The following GOPC variants were observed in gnomAD, a reference collection of about 807,000 sequenced individuals.
The protein encoded by GOPC is golgi associated PDZ and coiled-coil motif containing.
GOPC carries 32 observed loss-of-function variants against 51.2 expected under a neutral mutation model. That is an observed-to-expected ratio of 0.63 (90% CI 0.47 to 0.84). The LOEUF (loss-of-function observed/expected upper bound fraction) is 0.84. GOPC is among the 40% of genes least tolerant of loss of function. The pLI, the probability that GOPC is intolerant of heterozygous loss-of-function variation, is 0.00. For missense variants in GOPC, 441 were observed against 555.5 expected (o/e 0.79, Z 2.07); for synonymous variants, 190 against 205.1 (o/e 0.93, Z 0.63).
chr6:117,570,686 T>C (rs527614176), intron 6 of GOPC, among the ~76,000 whole-genome samples, 174 bp downstream of exon 6: 1 of 152,212 alleles, frequency 6.6e-6, no homozygotes, highest in African/African-American at 2.4e-5. Flanking sequence ...TTGCTAGGAA[T>C]ATTTATTTCT....
chr6:117,583,090 G>T (rs1779983788), intron 1 of GOPC, among the ~76,000 whole-genome samples: 1 of 152,122 alleles, frequency 6.6e-6, no homozygotes, highest in Non-Finnish European at 1.5e-5. Flanking sequence ...AAAGCAGCTG[G>T]CCAGTTCCTA....
intron 1 of GOPC, among the ~76,000 whole-genome samples, chr6:117,601,151 A>G (rs961093421): frequency 6.6e-6 from 1 of 152,206 alleles, no homozygotes; most frequent in African/African-American, 2.4e-5. Context: ...TAAATTGCCT[A>G]GTTAGAAAGT....
intron 1 of GOPC, among the ~76,000 whole-genome samples, chr6:117,597,648 C>T (rs1183256686): frequency 1.3e-5 from 2 of 152,158 alleles, no homozygotes; most frequent in Non-Finnish European, 1.5e-5. Context: ...ATTCCATTCT[C>T]CTCAGATATG....
intron 1 of GOPC, among the ~76,000 whole-genome samples, chr6:117,585,665 T>C (rs1780020135): frequency 6.6e-6 from 1 of 152,186 alleles, no homozygotes; most frequent in Admixed American, 6.5e-5. Flanking sequence ...ATGTAGTCCA[T>C]GAGCTCCAAA....
chr6:117,590,383 C>T (rs1780098596), intron 1 of GOPC, among the ~76,000 whole-genome samples: 1 of 151,920 alleles, frequency 6.6e-6, no homozygotes, highest in African/African-American at 2.4e-5. Flanking sequence ...CCAGCCTGGG[C>T]AACATAGTGA....
chr6:117,569,371 A>G (rs1466633377), intron 7 of GOPC, among the ~76,000 whole-genome samples: 1 of 152,212 alleles, frequency 6.6e-6, no homozygotes, highest in African/African-American at 2.4e-5. Context: ...AACTTGCTCA[A>G]AGTTATGAAG....
At chr6:117,575,601 C>T (rs1779869522) in intron 3 of GOPC, 2 of 659,222 alleles carry the variant, frequency 3.0e-6, no homozygotes, top group African/African-American at 3.6e-5. Context: ...CTACTCTAAG[C>T]TCATGTTATC....
intron 8 of GOPC, among the ~76,000 whole-genome samples, chr6:117,564,734 C>T (rs1406415610): frequency 6.6e-6 from 1 of 152,136 alleles, no homozygotes; most frequent in Non-Finnish European, 1.5e-5. Context: ...AAGAGACAGG[C>T]TTTCTAATCC....
chr6:117,588,252 G>A (rs1374369233), intron 1 of GOPC, among the ~76,000 whole-genome samples: 1 of 151,768 alleles, frequency 6.6e-6, no homozygotes, highest in East Asian at 1.9e-4. Context: ...TGTACAGAAA[G>A]CATGGCTGGG....
chr6:117,577,509 G>A lies in GOPC; in HGVS notation c.451-38C>T, dbSNP rs890129128. Reference sequence around the variant, plus strand: ...GAAAAAAGTTTTATAATTAGAAAAAGATCAAACAAATGATTTTATTTAGTG... The same window carrying A: ...GAAAAAAGTTTTATAATTAGAAAAAAATCAAACAAATGATTTTATTTAGTG... On this transcript the variant is annotated intron_variant, in intron 2 of 8. Coordinates refer to ENST00000368498, the MANE Select transcript of GOPC (RefSeq NM_020399.4). 2.6e-6 allele frequency: 4 copies of A among 1,518,136 alleles called. No individual in the cohort carries two copies. In the African/African-American group the frequency reaches 4.2e-5, roughly 16 times the overall value. 94.0% of individuals were successfully genotyped at this position (1,518,136 alleles called of 1,614,324 possible).
intron 8 of GOPC, among the ~76,000 whole-genome samples, chr6:117,564,902 G>C (rs143253616): frequency 1.3e-3 from 198 of 152,268 alleles, no homozygotes; most frequent in African/African-American, 4.6e-3. Flanking sequence ...CAACACACAA[G>C]TTTATCAAAA....
chr6:117,561,945 A>T lies in GOPC; in HGVS notation c.*1309T>A, dbSNP rs1779591922. 9.6e-6 allele frequency: 2 copies of T among 208,380 alleles called. No homozygotes were observed. Among genetic ancestry groups the T allele is most frequent in the South Asian group, 3.8e-4 (2 of 5,318 alleles). 12.9% of individuals were successfully genotyped at this position (208,380 alleles called of 1,614,324 possible). A position where few individuals can be genotyped will look rare whatever the true frequency, so the allele number is the denominator to read the frequency against. The stretch of plus-strand genomic sequence containing the variant: ...TTATCACATAACATCTGAATACCAG[A>T]AATGAAGATACTGATAATATTCTAA... On this transcript the variant is annotated 3_prime_UTR_variant, in exon 9 of 9. Transcript: ENST00000368498.
chr6:117,587,709 T>C (rs573397271), intron 1 of GOPC, among the ~76,000 whole-genome samples: 1 of 152,222 alleles, frequency 6.6e-6, no homozygotes, highest in African/African-American at 2.4e-5. Context: ...TAATAAAACA[T>C]TATTTGTCTT....
chr6:117,568,352 G>A (rs1241060586), intron 7 of GOPC, among the ~76,000 whole-genome samples: 2 of 152,158 alleles, frequency 1.3e-5, no homozygotes, highest in Non-Finnish European at 2.9e-5. Flanking sequence ...AAGAAAACAC[G>A]GCATTTTTGA....
chr6:117,594,599 C>T (rs1003210687), intron 1 of GOPC, among the ~76,000 whole-genome samples: 6 of 152,110 alleles, frequency 3.9e-5, no homozygotes, highest in East Asian at 1.9e-4. Flanking sequence ...TTCATAAGTG[C>T]GTACTGGATC....
chr6:117,570,745 T>C (rs1779792980), intron 6 of GOPC, 115 bp downstream of exon 6: 4 of 424,250 alleles, frequency 9.4e-6, no homozygotes, highest in Admixed American at 8.2e-5. Context: ...TGGGGATAAA[T>C]TTTAGTTATT....
chr6:117,575,588 A>G (rs1779869395), intron 3 of GOPC: 5 of 698,948 alleles, frequency 7.2e-6, no homozygotes, highest in Middle Eastern at 2.7e-4. Context: ...TAAGAAAAGT[A>G]GTCTACTCTA....
Position 117,560,527 on chromosome 6 carries a change from T to A in GOPC, c.*2727A>T, listed in dbSNP as rs1359629719. On this transcript the variant is annotated 3_prime_UTR_variant, in exon 9 of 9. Transcript: ENST00000368498. ...CATGAAACCTTTTTGTTTCTAAACA[T>A]GAAAACAGCATAAGTCCACTGCAGT... The A allele has an allele frequency of 1.5e-5, 3 of 194,562 alleles. No individual in the cohort carries two copies. Among genetic ancestry groups the A allele is most frequent in the Non-Finnish European group, 3.2e-5 (3 of 93,114 alleles). 12.1% of individuals were successfully genotyped at this position (194,562 alleles called of 1,614,324 possible). A position where few individuals can be genotyped will look rare whatever the true frequency, so the allele number is the denominator to read the frequency against.
At chr6:117,582,311 T>C (rs934574194) in intron 1 of GOPC, among the ~76,000 whole-genome samples, 56 of 83,208 alleles carry the variant, frequency 6.7e-4, no homozygotes, top group Middle Eastern at 5.4e-3. Flanking sequence ...CACACACACA[T>C]TGATAGAGGC....
Sources: allele counts gnomAD v4.1 joint callset (sites outside exome capture counted in the v4.1 genomes callset), GRCh38; gene constraint gnomAD v4.1.1; transcripts MANE v1.5; gene names NCBI Gene and HGNC (gene_info 2026-07-23, HGNC 2026-07-21).